The following BCAR3 variants were observed in gnomAD, a reference collection of about 807,000 sequenced individuals.
BCAR3 encodes BCAR3 adaptor protein, NSP family member.
In BCAR3, 37 loss-of-function variants were observed where a neutral mutation model predicts 80.1. That is an observed-to-expected ratio of 0.46 (90% CI 0.36 to 0.61). The LOEUF is 0.61. BCAR3 is among the 20% of genes least tolerant of loss of function. The probability of loss-of-function intolerance (pLI) is 0.00; values close to 1 mark genes in which losing one functional copy is unlikely to be tolerated. For missense variants in BCAR3, 978 were observed against 1,068.2 expected (o/e 0.92, Z 1.18); for synonymous variants, 389 against 418.9 (o/e 0.93, Z 0.87).
In BCAR3 at chr1:93,592,550, T is replaced by C; in HGVS notation, c.358-157A>G. 9.6e-7 allele frequency: 1 copy of C among 1,039,338 alleles called. No individual in the cohort carries two copies. Among genetic ancestry groups the C allele is most frequent in the Admixed American group, 3.0e-5 (1 of 33,444 alleles). The allele number at this position is 1,039,338 out of a possible 1,614,324, so 64.4% of individuals were successfully genotyped here. On this transcript the variant is annotated intron_variant, in intron 3 of 11. Transcript: ENST00000260502. This position sits in a 1 kb window ranked among gnomAD's most constrained non-coding sequence, Gnocchi z 4.8. ...AATGATTACAAAGAGCTGTGACCTT[T>C]CGTTTCTCCGGCCGCAACCATGTAA...
At chr1:93,659,880 TC>T (rs1647568653) in intron 2 of BCAR3, among the ~76,000 whole-genome samples, 1 of 152,148 alleles carries the variant, frequency 6.6e-6, no homozygotes, top group African/African-American at 2.4e-5. Flanking sequence ...AGTGCTCCTT[TC>T]CTATGAATTA....
At chr1:93,655,303 G>C (rs1370646947) in intron 2 of BCAR3, among the ~76,000 whole-genome samples, 1 of 152,196 alleles carries the variant, frequency 6.6e-6, no homozygotes, top group Non-Finnish European at 1.5e-5. Context: ...TAGCTGGAGG[G>C]CAAGATAGAC....
intron 2 of BCAR3, among the ~76,000 whole-genome samples, chr1:93,715,319 A>G (rs1650159626): frequency 6.6e-6 from 1 of 152,238 alleles, no homozygotes; most frequent in African/African-American, 2.4e-5. Flanking sequence ...ACAAAGTAAA[A>G]TTGTCTTTTT....
intron 2 of BCAR3, among the ~76,000 whole-genome samples, chr1:93,729,220 T>G (rs548478821): frequency 4.2e-4 from 64 of 152,156 alleles, no homozygotes; most frequent in Non-Finnish European, 7.8e-4. Context: ...TGAAACTATC[T>G]TAAGTTGAAA....
intron 3 of BCAR3, among the ~76,000 whole-genome samples, chr1:93,695,139 C>T (rs771664987): frequency 1.3e-5 from 2 of 152,232 alleles, no homozygotes; most frequent in Non-Finnish European, 2.9e-5. Flanking sequence ...TCCTGGGCTT[C>T]CTTCTTCCTT....
intron 7 of BCAR3, among the ~76,000 whole-genome samples, chr1:93,579,049 C>T (rs1014415772): frequency 2.9e-4 from 44 of 152,224 alleles, no homozygotes; most frequent in South Asian, 2.1e-4. Context: ...ACCTTGCGCA[C>T]GGTGGGAGGG....
chr1:93,592,998 T>C lies in BCAR3; in HGVS notation c.358-605A>G, dbSNP rs1331353419. Among the ~76,000 whole-genome samples the C allele has an allele frequency of 1.3e-5, 2 of 152,270 alleles. No homozygotes were observed. The highest frequency in any genetic ancestry group is 4.8e-5 in the African/African-American group (2 of 41,470). On this transcript the variant is annotated intron_variant, in intron 3 of 11. Coordinates refer to ENST00000260502, the MANE Select transcript of BCAR3 (RefSeq NM_003567.4). This position sits in a 1 kb window ranked among gnomAD's most constrained non-coding sequence, Gnocchi z 4.8. ...TTTATTTCACATTTCTAATATTTCA[T>C]TTTTATGACAGATAGGAAAGTGAAA...
At chr1:93,666,164 G>C (rs983918803) in intron 2 of BCAR3, among the ~76,000 whole-genome samples, 5 of 152,120 alleles carry the variant, frequency 3.3e-5, no homozygotes, top group Non-Finnish European at 4.4e-5. Context: ...TTTAAAGGTA[G>C]ATTTCCTTTT....
intron 2 of BCAR3, among the ~76,000 whole-genome samples, chr1:93,778,633 A>G (rs1398530715): frequency 6.6e-6 from 1 of 151,608 alleles, no homozygotes; most frequent in African/African-American, 2.4e-5. Context: ...TTTACCCACT[A>G]CTCACACCTC....
intron 2 of BCAR3, among the ~76,000 whole-genome samples, chr1:93,663,206 T>A (rs1035237784): frequency 1.2e-4 from 19 of 152,234 alleles, no homozygotes; most frequent in Non-Finnish European, 5.9e-5. Flanking sequence ...CCCCTCTCTT[T>A]GGTCTTATTG....
At chr1:93,667,232 G>A (rs236285) in intron 2 of BCAR3, among the ~76,000 whole-genome samples, 43,568 of 152,180 alleles carry the variant, frequency 0.29, 8,461 homozygotes, top group African/African-American at 0.56. Context: ...CAGCAGAGCT[G>A]AGCAGGAGAA....
intron 3 of BCAR3, among the ~76,000 whole-genome samples, chr1:93,690,530 T>A (rs1427139321): frequency 6.6e-6 from 1 of 152,202 alleles, no homozygotes; most frequent in Non-Finnish European, 1.5e-5. Flanking sequence ...GGCCATCTAG[T>A]TCAGACTTTG....
At chr1:93,800,890 T>C (rs990078206) in intron 2 of BCAR3, among the ~76,000 whole-genome samples, 7 of 152,212 alleles carry the variant, frequency 4.6e-5, no homozygotes, top group African/African-American at 1.2e-4. Flanking sequence ...TAGTCACTGG[T>C]TGAGTATATA....
At chr1:93,637,193 C>A (rs578082115) in intron 3 of BCAR3, among the ~76,000 whole-genome samples, 1 of 150,334 alleles carries the variant, frequency 6.7e-6, no homozygotes, top group African/African-American at 2.4e-5. Context: ...TTTTTTGAGA[C>A]GAGTCTTGCT....
Position 93,727,979 on chromosome 1 carries a change from G to A in BCAR3, c.-62-21837C>T, listed in dbSNP as rs564417017. ...GACACAGGGGAGAAAGCCATGCAAA[G>A]ACCAAGGCAGGATTGAAGTGATGCT... On this transcript the variant is annotated intron_variant, in intron 2 of 13. Coordinates refer to the BCAR3 transcript ENST00000370244. Among the ~76,000 whole-genome samples, 19 of 152,302 alleles carry A rather than the reference G, an allele frequency of 1.2e-4. No homozygotes were observed. The East Asian group carries it at 3.7e-3, about 29-fold the overall frequency.
At chr1:93,627,932 G>A (rs1675499611) in intron 3 of BCAR3, among the ~76,000 whole-genome samples, 1 of 151,890 alleles carries the variant, frequency 6.6e-6, no homozygotes. Flanking sequence ...ATAATTACAG[G>A]GGTGTTTTTA....
chr1:93,774,079 A>C lies in BCAR3; in HGVS notation c.-62-67937T>G, dbSNP rs1409304805. On this transcript the variant is annotated intron_variant, in intron 2 of 13. Coordinates refer to the BCAR3 transcript ENST00000370244. ...CTTCGAATAACTATCAATTGGCCAC[A>C]TTTCACAAAGGAAGTTAAGAGCAAT... Among the ~76,000 whole-genome samples the C allele has an allele frequency of 2.6e-5, 4 of 152,226 alleles. No individual in the cohort carries two copies. In the East Asian group the frequency reaches 7.7e-4, roughly 29 times the overall value.
At chr1:93,645,037 T>A (rs946142025) in intron 2 of BCAR3, among the ~76,000 whole-genome samples, 4 of 152,182 alleles carry the variant, frequency 2.6e-5, no homozygotes, top group African/African-American at 7.2e-5. Flanking sequence ...CATAGGTAAA[T>A]GAGAGACTGA....
intron 3 of BCAR3, chr1:93,602,225 C>CTACAG (rs1214687200): frequency 2.6e-5 from 4 of 152,084 alleles, no homozygotes; most frequent in Non-Finnish European, 5.9e-5. Flanking sequence ...GTAGCCAGGA[C>CTACAG]TACAGGTCTG....
Sources: allele counts gnomAD v4.1 joint callset (sites outside exome capture counted in the v4.1 genomes callset), GRCh38; gene constraint gnomAD v4.1.1; non-coding constraint Gnocchi (gnomAD v3.1); transcripts MANE v1.5; gene names NCBI Gene and HGNC (gene_info 2026-07-23, HGNC 2026-07-21).